PCM1: variants seen among roughly 807,000 people sequenced by gnomAD.
PCM1 encodes the protein pericentriolar material 1, also known as pericentriolar material 1 protein.
In PCM1, 157 loss-of-function variants were observed where a neutral mutation model predicts 241.9. The observed-to-expected ratio is 0.65, with a 90% CI of 0.57 to 0.74. The LOEUF (loss-of-function observed/expected upper bound fraction) is 0.74, where lower values mean the gene tolerates loss of function less well. PCM1 is among the 30% of genes least tolerant of loss of function. PCM1 has a pLI of 0.00. For synonymous variants in PCM1, 1,085 were observed against 784.9 expected, an observed-to-expected ratio of 1.38 and a Z score of -6.39; for missense variants, 3,478 against 2,360.1, an observed-to-expected ratio of 1.47 and a Z score of -9.81.
At position 18,027,790 on chromosome 8, in the gene PCM1, G is replaced by T. The variant is rs2094339088; in HGVS notation, c.*128G>T. On this transcript the variant is annotated 3_prime_UTR_variant, in exon 39 of 39. Transcript: ENST00000325083. Reference sequence around the variant, plus strand: ...TGACACTGCTTTTTTGATAGGTGTGGTCATTTCTCCCCATGGTAGTTTAAA... The same window carrying T: ...TGACACTGCTTTTTTGATAGGTGTGTTCATTTCTCCCCATGGTAGTTTAAA... 1 of 552,256 alleles carries T rather than the reference G, an allele frequency of 1.8e-6. No individual in the cohort carries two copies. Among genetic ancestry groups the T allele is most frequent in the Non-Finnish European group, 3.1e-6 (1 of 318,558 alleles). 34.2% of individuals were successfully genotyped at this position (552,256 alleles called of 1,614,324 possible). A position where few individuals can be genotyped will look rare whatever the true frequency, so the allele number is the denominator to read the frequency against.
At chr8:17,991,808 G>C (rs2084738766) in intron 28 of PCM1, 108 bp downstream of exon 28, 1 of 763,326 alleles carries the variant, frequency 1.3e-6, no homozygotes, top group African/African-American at 1.8e-5. Flanking sequence ...CATCGCCTGA[G>C]CAGTATACAC....
intron 38 of PCM1, among the ~76,000 whole-genome samples, chr8:18,025,867 A>G (rs1358311684): frequency 2.6e-5 from 4 of 152,174 alleles, no homozygotes; most frequent in Non-Finnish European, 4.4e-5. Flanking sequence ...TTAGTTTTAA[A>G]AAATGTAGAC....
At chr8:17,951,313 C>G (rs142470663) in intron 8 of PCM1, among the ~76,000 whole-genome samples, 1 of 152,192 alleles carries the variant, frequency 6.6e-6, no homozygotes, top group Non-Finnish European at 1.5e-5. Flanking sequence ...GATGCAGTGT[C>G]TCTTGTCTTC....
chr8:17,941,085 A>T (rs186178072), intron 6 of PCM1, among the ~76,000 whole-genome samples: 26 of 152,258 alleles, frequency 1.7e-4, no homozygotes, highest in African/African-American at 5.5e-4. Context: ...TTTTCTCTAC[A>T]TTATTTTCAA....
At chr8:17,976,275 G>A (rs1264315604) in intron 23 of PCM1, among the ~76,000 whole-genome samples, 7 of 152,208 alleles carry the variant, frequency 4.6e-5, no homozygotes, top group Admixed American at 4.6e-4. Flanking sequence ...TCTCACACTT[G>A]AAAAGAGTGA....
At position 17,947,243 on chromosome 8, in the gene PCM1, G is replaced by T. The variant is rs754881507; in HGVS notation, c.841G>T (p.Asp281Tyr). The change falls in exon 7 of 39, where the codon GAT (aspartate) becomes TAT (tyrosine). Residue 281 changes from aspartate to tyrosine, a missense_variant. Asp to Tyr is a radical substitution (Grantham distance 160, BLOSUM62 -3). Transcript: ENST00000325083. Reference sequence around the variant, plus strand: ...GATAGAAAATTTGAAGAAACAACATGATTTATTAAAAAGAATGTTACAACA... The same window carrying T: ...GATAGAAAATTTGAAGAAACAACATTATTTATTAAAAAGAATGTTACAACA... Reference protein sequence around the residue: ...EEIENLKKQHDLLKRMLQQQE... With the variant: ...EEIENLKKQHYLLKRMLQQQE... 6.2e-7 allele frequency: 1 copy of T among 1,609,808 alleles called. No homozygotes were observed. The highest frequency in any genetic ancestry group is 1.1e-5 in the South Asian group (1 of 90,864).
intron 2 of PCM1, chr8:17,925,153 G>A (rs1368501837): frequency 2.0e-5 from 3 of 152,186 alleles, no homozygotes; most frequent in African/African-American, 7.2e-5. Context: ...TTAATTGGCT[G>A]TTCATGAACT....
intron 36 of PCM1, among the ~76,000 whole-genome samples, chr8:18,022,469 C>T (rs528861970): frequency 5.3e-5 from 8 of 152,252 alleles, no homozygotes; most frequent in East Asian, 1.9e-4. Context: ...CAACTAATAC[C>T]GAAATCTACT....
chr8:17,966,612 G>C (rs1441761109), intron 20 of PCM1, 139 bp downstream of exon 20: 2 of 659,560 alleles, frequency 3.0e-6, no homozygotes, highest in Non-Finnish European at 5.0e-6. Context: ...TTTATAAGTG[G>C]TGATTTACCT....
At chr8:18,007,904 T>C (rs2091765970) in intron 30 of PCM1, among the ~76,000 whole-genome samples, 1 of 152,204 alleles carries the variant, frequency 6.6e-6, no homozygotes, top group Admixed American at 6.5e-5. Context: ...AATAGGGTAG[T>C]CCATATTTTA....
chr8:17,975,217 G>GA (rs2078313593), intron 23 of PCM1, among the ~76,000 whole-genome samples: 1 of 152,014 alleles, frequency 6.6e-6, no homozygotes, highest in Non-Finnish European at 1.5e-5. Flanking sequence ...AGATTTGTTA[G>GA]AAAAAAGGAT....
chr8:17,956,274 C>G (rs182175256), intron 10 of PCM1, among the ~76,000 whole-genome samples: 16 of 152,302 alleles, frequency 1.1e-4, no homozygotes. Flanking sequence ...GTACTTCACA[C>G]TTTTGATACT....
Position 17,957,406 on chromosome 8 carries a change from A to C in PCM1, c.1789A>C (p.Met597Leu), listed in dbSNP as rs208753. 5 of 1,612,182 alleles carry C rather than the reference A, an allele frequency of 3.1e-6. No homozygotes were observed. The highest frequency in any genetic ancestry group is 1.7e-5 in the Admixed American group (1 of 59,994). ...TGCTGCCAACATAAGGGCTCTAAACATGCCTCCTTCTTTAGGTATGACTGA... is the reference window on the plus strand; with the variant it reads ...TGCTGCCAACATAAGGGCTCTAAACCTGCCTCCTTCTTTAGGTATGACTGA... ...RSAANIRALN[M>L]PPSLDCRYNR... The change falls in exon 12 of 39, where the codon ATG (methionine) becomes CTG (leucine). Residue 597 changes from methionine (M) to leucine (L), a missense_variant. Physicochemically the swap from Met to Leu is conservative, Grantham distance 15 (BLOSUM62 2). Transcript: ENST00000325083.
Position 17,937,238 on chromosome 8 carries a change from G to A in PCM1, c.201G>A (p.Glu67=). ...GAGTAACCAATGATATTTCTCCGGA[G>A]TCGTCACCAGGAGTTGGAAGGCGAA... ...DKRVTNDISP[E]SSPGVGRRRT... Residue 67 remains glutamate, a synonymous_variant, in exon 4 of 39, where the codon GAG becomes GAA. Coordinates refer to ENST00000325083, the MANE Select transcript of PCM1 (RefSeq NM_006197.4). The A allele has an allele frequency of 1.2e-6, 2 of 1,610,044 alleles. No individual in the cohort carries two copies. Among genetic ancestry groups the A allele is most frequent in the Non-Finnish European group, 1.7e-6 (2 of 1,177,336 alleles).
chr8:17,959,334 C>T (rs192648229), intron 13 of PCM1, among the ~76,000 whole-genome samples: 49 of 7,736 alleles, frequency 6.3e-3, no homozygotes, highest in East Asian at 0.1. Flanking sequence ...TATATATATA[C>T]ACACAGTACA....
intron 34 of PCM1, among the ~76,000 whole-genome samples, chr8:18,012,133 T>TACAG (rs1372127446): frequency 6.6e-6 from 1 of 152,162 alleles, no homozygotes; most frequent in East Asian, 1.9e-4. Flanking sequence ...GTTCTGGGAT[T>TACAG]ACAGACATGA....
At chr8:17,950,465 T>C (rs2065614375) in intron 7 of PCM1, 150 bp from the exon 8 acceptor site, 2 of 577,180 alleles carry the variant, frequency 3.5e-6, no homozygotes, top group Admixed American at 3.4e-5. Context: ...AATAAAATGA[T>C]TGTTGGCAGA....
chr8:17,946,655 C>T (rs146646938), intron 6 of PCM1, among the ~76,000 whole-genome samples: 2,571 of 152,208 alleles, frequency 0.017, 41 homozygotes, highest in South Asian at 0.043. Flanking sequence ...CACCGCCACA[C>T]CCGGCTAATT....
chr8:17,949,672 A>G (rs895286110), intron 7 of PCM1, among the ~76,000 whole-genome samples: 2 of 151,830 alleles, frequency 1.3e-5, no homozygotes, highest in African/African-American at 2.4e-5. Context: ...TAATTTTTGT[A>G]GTTTTGTAGA....
Sources: gnomAD v4.1 joint callset for allele counts (sites outside exome capture counted in the v4.1 genomes callset) on GRCh38, gnomAD v4.1.1 for gene constraint, MANE v1.5 for transcripts, NCBI Gene and HGNC (gene_info 2026-07-23, HGNC 2026-07-21) for gene names.